The following CFAP299 variants were observed in gnomAD, a reference collection of about 807,000 sequenced individuals.
The protein encoded by CFAP299 is cilia- and flagella-associated protein 299.
In CFAP299, 21 loss-of-function variants were observed where a neutral mutation model predicts 27.0. The ratio of observed to expected loss-of-function variants is 0.78; its 90% CI spans 0.55 to 1.12. The LOEUF (loss-of-function observed/expected upper bound fraction) is 1.12, where lower values mean the gene tolerates loss of function less well. Ranked by LOEUF, CFAP299 falls within the 50% of genes most tolerant of loss-of-function variation. CFAP299 has a pLI of 0.00. For missense variants in CFAP299, 310 were observed against 276.6 expected (o/e 1.12, Z -0.86); for synonymous variants, 104 against 98.1 (o/e 1.06, Z -0.36).
At chr4:80,513,661 G>C (rs950682982) in intron 2 of CFAP299, among the ~76,000 whole-genome samples, 4 of 152,088 alleles carry the variant, frequency 2.6e-5, no homozygotes, top group African/African-American at 9.7e-5. Flanking sequence ...TATTCAGTAG[G>C]CATCTAATAG....
chr4:80,563,399 G>T (rs7673936), intron 2 of CFAP299, among the ~76,000 whole-genome samples: 17,696 of 152,002 alleles, frequency 0.12, 1,191 homozygotes, highest in South Asian at 0.23. Context: ...GAATAATTTT[G>T]GAAACTATAC....
chr4:80,840,580 A>C (rs1459704176), intron 3 of CFAP299, among the ~76,000 whole-genome samples: 4 of 152,076 alleles, frequency 2.6e-5, no homozygotes, highest in African/African-American at 7.2e-5. Context: ...TTTGGATTTC[A>C]GAGACTTTAA....
intron 3 of CFAP299, among the ~76,000 whole-genome samples, chr4:80,737,107 GAAC>G (rs1723943553): frequency 6.9e-6 from 1 of 145,880 alleles, no homozygotes; most frequent in African/African-American, 2.5e-5. Context: ...GGTGGGAACT[GAAC>G]AACGAGAACA....
intron 2 of CFAP299, among the ~76,000 whole-genome samples, chr4:80,490,717 A>C (rs1731074282): frequency 1.3e-5 from 2 of 152,204 alleles, no homozygotes; most frequent in African/African-American, 4.8e-5. Context: ...ACTTTACAAA[A>C]CACATATATT....
rs1294748194 is a variant in CFAP299 at position 80,799,828 on chromosome 4, AT to A, written c.334-70162del. On this transcript the variant is annotated intron_variant, in intron 3 of 5. Transcript: ENST00000358105. ...ATATATAAATATATATATTATATAT[AT>A]TTATATATTATATTATATAATATAT... Among the ~76,000 whole-genome samples, 46 of 33,498 alleles carry A rather than the reference AT, an allele frequency of 1.4e-3. 1 individual carries two copies. The highest frequency in any genetic ancestry group is 1.8e-3 in the Non-Finnish European group (39 of 21,378). The allele number at this position is 33,498 out of a possible 152,430, so 22.0% of individuals were successfully genotyped here. A position where few individuals can be genotyped will look rare whatever the true frequency, so the allele number is the denominator to read the frequency against.
intron 3 of CFAP299, among the ~76,000 whole-genome samples, chr4:80,831,123 C>T (rs958343451): frequency 5.3e-5 from 8 of 152,060 alleles, no homozygotes; most frequent in Non-Finnish European, 7.4e-5. Flanking sequence ...TAGATGGTAA[C>T]ACCACTGACT....
intron 2 of CFAP299, among the ~76,000 whole-genome samples, chr4:80,514,621 A>G (rs1171403780): frequency 1.3e-5 from 2 of 152,118 alleles, no homozygotes; most frequent in Non-Finnish European, 2.9e-5. Context: ...ATCAAAGACC[A>G]AAACTTCATA....
chr4:80,836,059 C>G (rs1320628356), intron 3 of CFAP299, among the ~76,000 whole-genome samples: 1 of 152,132 alleles, frequency 6.6e-6, no homozygotes, highest in Non-Finnish European at 1.5e-5. Context: ...AGAAATTTCT[C>G]TATTTCTGTA....
At chr4:80,588,832 A>G (rs148077420) in intron 3 of CFAP299, among the ~76,000 whole-genome samples, 36 of 152,318 alleles carry the variant, frequency 2.4e-4, no homozygotes, top group Admixed American at 6.5e-4. Context: ...TAAGTGCTTT[A>G]TATCCTTGAA....
chr4:80,700,578 C>T (rs773669371), intron 3 of CFAP299, among the ~76,000 whole-genome samples: 5 of 151,884 alleles, frequency 3.3e-5, no homozygotes, highest in Admixed American at 2.0e-4. Flanking sequence ...AGCTCTAGTG[C>T]GACACTGGCT....
intron 1 of CFAP299, among the ~76,000 whole-genome samples, chr4:80,357,765 AT>A (rs750398778): frequency 5.4e-4 from 81 of 151,216 alleles, no homozygotes; most frequent in Non-Finnish European, 1.0e-3. Context: ...TATTTTATCA[AT>A]TTTTTCAAGA....
chr4:80,765,080 T>TATAATAATAATA (rs377457062), intron 3 of CFAP299, among the ~76,000 whole-genome samples: 1 of 151,660 alleles, frequency 6.6e-6, no homozygotes, highest in Non-Finnish European at 1.5e-5. Context: ...TCCCAGAACT[T>TATAATAATAATA]ATAATAATAA....
At chr4:80,815,795 T>C (rs1218881475) in intron 3 of CFAP299, among the ~76,000 whole-genome samples, 1 of 152,032 alleles carries the variant, frequency 6.6e-6, no homozygotes, top group Non-Finnish European at 1.5e-5. Flanking sequence ...TATGTATATG[T>C]ACGTATGTAT....
At chr4:80,527,500 T>G (rs1733250529) in intron 2 of CFAP299, among the ~76,000 whole-genome samples, 1 of 152,076 alleles carries the variant, frequency 6.6e-6, no homozygotes, top group African/African-American at 2.4e-5. Flanking sequence ...TTCTAAAAGC[T>G]CCTAATAACT....
chr4:80,792,832 G>T (rs1167742348), intron 3 of CFAP299, among the ~76,000 whole-genome samples: 14 of 151,984 alleles, frequency 9.2e-5, no homozygotes, highest in Admixed American at 8.5e-4. Context: ...CTAAAGTTTT[G>T]TGTATATTTT....
intron 3 of CFAP299, among the ~76,000 whole-genome samples, chr4:80,618,517 A>G (rs1226757144): frequency 6.6e-6 from 1 of 152,126 alleles, no homozygotes; most frequent in African/African-American, 2.4e-5. Context: ...ATTAGGAAAA[A>G]AATGAAGGGA....
chr4:80,504,481 A>ATATATATG (rs1731905557), intron 2 of CFAP299, among the ~76,000 whole-genome samples: 1 of 121,808 alleles, frequency 8.2e-6, no homozygotes, highest in Non-Finnish European at 1.8e-5. Flanking sequence ...ATATATATAT[A>ATATATATG]TATATATATA....
chr4:80,324,485 GGA>G, the CFAP299 span, among the ~76,000 whole-genome samples: 5 of 152,168 alleles, frequency 3.3e-5, no homozygotes, highest in African/African-American at 1.2e-4. Flanking sequence ...TATCAAAAGT[GGA>G]GACCTAATCT....
At chr4:80,583,943 A>G (rs1736302464) in intron 3 of CFAP299, among the ~76,000 whole-genome samples, 1 of 152,008 alleles carries the variant, frequency 6.6e-6, no homozygotes, top group Non-Finnish European at 1.5e-5. Flanking sequence ...TATTCTACCA[A>G]TATTTTCTCA....
Sources: allele counts gnomAD v4.1 joint callset (sites outside exome capture counted in the v4.1 genomes callset), GRCh38; gene constraint gnomAD v4.1.1; transcripts MANE v1.5; gene names NCBI Gene and HGNC (gene_info 2026-07-23, HGNC 2026-07-21).